Variants in CALN1 observed in about 807,000 individuals in gnomAD.
CALN1 encodes calneuron 1.
A neutral mutation model predicts 30.6 loss-of-function variants in CALN1; 17 were observed. The ratio of observed to expected loss-of-function variants is 0.56; its 90% CI spans 0.38 to 0.83. The LOEUF (loss-of-function observed/expected upper bound fraction) is 0.83, where lower values mean the gene tolerates loss of function less well. CALN1 is among the 40% of genes least tolerant of loss of function. The pLI is 0.00. For synonymous variants in CALN1, 156 were observed against 131.4 expected (o/e 1.19, Z -1.28); for missense variants, 291 against 354.9 (o/e 0.82, Z 1.45).
At chr7:72,300,644 A>G (rs537077268) in intron 2 of CALN1, among the ~76,000 whole-genome samples, 91 of 152,352 alleles carry the variant, frequency 6.0e-4, no homozygotes, top group Non-Finnish European at 1.2e-3. Flanking sequence ...GGAACAAAAT[A>G]GAATAAGTGC....
At chr7:72,037,813 C>CT (rs1393133437) in intron 4 of CALN1, among the ~76,000 whole-genome samples, 3 of 152,122 alleles carry the variant, frequency 2.0e-5, no homozygotes, top group African/African-American at 4.8e-5. Context: ...AACTGAATGT[C>CT]TTCTCAGGTC....
chr7:72,361,006 C>T (rs1803537771), intron 2 of CALN1, among the ~76,000 whole-genome samples: 1 of 152,086 alleles, frequency 6.6e-6, no homozygotes, highest in Non-Finnish European at 1.5e-5. Flanking sequence ...GGATTACAGG[C>T]ATGAGCCACC....
chr7:72,041,848 A>G (rs971222677), intron 4 of CALN1, among the ~76,000 whole-genome samples: 8 of 152,168 alleles, frequency 5.3e-5, no homozygotes, highest in South Asian at 2.1e-4. Flanking sequence ...TCCCCTGCAC[A>G]TGGCCTCTCC....
chr7:72,068,606 G>C (rs1434284077), intron 4 of CALN1, among the ~76,000 whole-genome samples: 1 of 152,156 alleles, frequency 6.6e-6, no homozygotes, highest in African/African-American at 2.4e-5. Flanking sequence ...TCCTGTCTCA[G>C]CCTCTCAAGT....
At chr7:72,031,658 C>A (rs1367968415) in intron 4 of CALN1, among the ~76,000 whole-genome samples, 1 of 151,952 alleles carries the variant, frequency 6.6e-6, no homozygotes, top group Non-Finnish European at 1.5e-5. Context: ...GCTTTGAACT[C>A]CTGGGTTCGA....
the CALN1 span, among the ~76,000 whole-genome samples, chr7:72,501,478 G>C: frequency 1.4e-5 from 2 of 142,826 alleles, no homozygotes; most frequent in African/African-American, 5.2e-5. Flanking sequence ...GGAGGAAGAA[G>C]GAAGGAGGGA....
intron 2 of CALN1, among the ~76,000 whole-genome samples, chr7:72,377,759 G>C (rs1804655376): frequency 1.3e-5 from 2 of 152,050 alleles, no homozygotes; most frequent in African/African-American, 4.8e-5. Flanking sequence ...CTTTCCAGAA[G>C]AGCTCTGTTA....
chr7:72,471,704 C>T, the CALN1 span, among the ~76,000 whole-genome samples: 2 of 152,140 alleles, frequency 1.3e-5, no homozygotes, highest in African/African-American at 2.4e-5. Flanking sequence ...GCCCATCAAG[C>T]GGGAAATTCT....
intron 2 of CALN1, among the ~76,000 whole-genome samples, chr7:72,395,579 G>A (rs1015595788): frequency 2.0e-5 from 3 of 152,150 alleles, no homozygotes; most frequent in Non-Finnish European, 4.4e-5. Context: ...ATGTTCTGAG[G>A]ATCATTCATC....
chr7:72,265,161 T>C (rs897172625), intron 3 of CALN1, among the ~76,000 whole-genome samples: 4 of 152,204 alleles, frequency 2.6e-5, no homozygotes, highest in Admixed American at 6.5e-5. Context: ...CACAGTAATA[T>C]GGCAATACAG....
At chr7:71,806,587 G>A (rs1386680250) in intron 6 of CALN1, among the ~76,000 whole-genome samples, 7 of 152,292 alleles carry the variant, frequency 4.6e-5, no homozygotes, top group East Asian at 1.9e-4. Context: ...GATTACAGGC[G>A]TGAGCCATTA....
At position 72,241,477 on chromosome 7, in the gene CALN1, C is replaced by A. The variant is rs1465194732; in HGVS notation, c.244+37209G>T. ...ATCCCAGCACTTTTGGAGGCCAAGGCGGGCAGATCACCTGAGGTCAGGAGT... is the reference window on the plus strand; with the variant it reads ...ATCCCAGCACTTTTGGAGGCCAAGGAGGGCAGATCACCTGAGGTCAGGAGT... On this transcript the variant is annotated intron_variant, in intron 3 of 6. Transcript: ENST00000395275. 2.6e-5 allele frequency among the ~76,000 whole-genome samples: 4 copies of A among 152,126 alleles called. No individual in the cohort carries two copies. In the South Asian group the frequency reaches 6.2e-4, roughly 24 times the overall value.
intron 4 of CALN1, among the ~76,000 whole-genome samples, chr7:72,092,625 T>TAAAAAAAAAAAAAAAAAAA (rs369445548): frequency 9.4e-6 from 1 of 106,278 alleles, no homozygotes; most frequent in Non-Finnish European, 1.8e-5. Flanking sequence ...TGTATTCTAG[T>TAAAAAAAAAAAAAAAAAAA]AAAAAAAAAA....
At chr7:71,899,263 C>A (rs938149069) in intron 5 of CALN1, among the ~76,000 whole-genome samples, 1 of 151,956 alleles carries the variant, frequency 6.6e-6, no homozygotes, top group Non-Finnish European at 1.5e-5. Context: ...CCTGCCGCAG[C>A]CTCCCCAGCA....
At chr7:72,180,050 C>T (rs1789649431) in intron 3 of CALN1, among the ~76,000 whole-genome samples, 1 of 152,158 alleles carries the variant, frequency 6.6e-6, no homozygotes, top group Non-Finnish European at 1.5e-5. Flanking sequence ...TAATGTGCCC[C>T]ACCCTCCCCA....
chr7:72,471,486 C>T, the CALN1 span, among the ~76,000 whole-genome samples: 7,194 of 152,336 alleles, frequency 0.047, 202 homozygotes, highest in African/African-American at 0.057. Flanking sequence ...GCACATGCTG[C>T]TCTGTGCTGG....
At chr7:71,845,598 C>T (rs190104678) in intron 5 of CALN1, among the ~76,000 whole-genome samples, 6 of 152,308 alleles carry the variant, frequency 3.9e-5, no homozygotes, top group Non-Finnish European at 7.3e-5. Flanking sequence ...CCCCCTAGCC[C>T]TGAACCCTAA....
chr7:71,836,325 G>A (rs1789598917), intron 5 of CALN1, among the ~76,000 whole-genome samples: 1 of 152,174 alleles, frequency 6.6e-6, no homozygotes, highest in African/African-American at 2.4e-5. Context: ...CACGATGGGG[G>A]CAGGGAGCAG....
chr7:72,108,226 T>C (rs1027722704), intron 3 of CALN1, among the ~76,000 whole-genome samples: 3 of 152,218 alleles, frequency 2.0e-5, no homozygotes, highest in Admixed American at 6.5e-5. Context: ...ATTCTCCCTC[T>C]GTCCTGCTCT....
Sources: allele counts gnomAD v4.1 joint callset (sites outside exome capture counted in the v4.1 genomes callset), GRCh38; gene constraint gnomAD v4.1.1; transcripts MANE v1.5; gene names NCBI Gene and HGNC (gene_info 2026-07-23, HGNC 2026-07-21).